Variants in SART1 observed in about 807,000 individuals in gnomAD.
The protein encoded by SART1 is spliceosome associated factor 1, recruiter of U4/U6.U5 tri-snRNP, also known as U4/U6.U5 tri-snRNP-associated protein 1.
In SART1, 28 loss-of-function variants were observed where a neutral mutation model predicts 105.0. That is an observed-to-expected ratio of 0.27 (90% CI 0.20 to 0.37). The LOEUF is 0.37. SART1 is among the 10% of genes least tolerant of loss of function. The probability of loss-of-function intolerance (pLI) is 1.00; values close to 1 mark genes in which losing one functional copy is unlikely to be tolerated. For synonymous variants in SART1, 472 were observed against 462.9 expected (o/e 1.02, Z -0.25); for missense variants, 894 against 1,106.5 (o/e 0.81, Z 2.72).
intron 17 of SART1, 41 bp downstream of exon 17, chr11:65,977,940 A>T: frequency 6.3e-7 from 1 of 1,590,496 alleles, no homozygotes; most frequent in Non-Finnish European, 8.6e-7. Flanking sequence ...GGCCTGCCAC[A>T]GGGAGGCCAA....
chr11:65,967,970 G>A (rs1397586526), intron 12 of SART1, 149 bp downstream of exon 12: 6 of 667,840 alleles, frequency 9.0e-6, no homozygotes, highest in Non-Finnish European at 1.4e-5. Flanking sequence ...TTTTTTTTGA[G>A]ACAGAGTTTC....
chr11:65,964,379 T>G lies in SART1; in HGVS notation c.372-136T>G, dbSNP rs191381809. 4.7e-6 allele frequency: 5 copies of G among 1,060,112 alleles called. No individual in the cohort carries two copies. The African/African-American group carries it at 6.3e-5, about 13-fold the overall frequency. The allele number at this position is 1,060,112 out of a possible 1,614,324, so 65.7% of individuals were successfully genotyped here. On this transcript the variant is annotated intron_variant, in intron 2 of 19. Coordinates refer to ENST00000312397, the MANE Select transcript of SART1 (RefSeq NM_005146.5). ...CTTTGGAGGCCAGGGCCCTTCCCAGTGTCCTAGGCTGCCTGGGGCAGACTT... is the reference window on the plus strand; with the variant it reads ...CTTTGGAGGCCAGGGCCCTTCCCAGGGTCCTAGGCTGCCTGGGGCAGACTT...
Position 65,976,299 on chromosome 11 carries a change from G to C in SART1, c.1573-96G>C. 1 of 1,338,516 alleles carries C rather than the reference G, an allele frequency of 7.5e-7. No individual in the cohort carries two copies. The highest frequency in any genetic ancestry group is 9.9e-7 in the Non-Finnish European group (1 of 1,006,496). The allele number at this position is 1,338,516 out of a possible 1,614,324, so 82.9% of individuals were successfully genotyped here. On this transcript the variant is annotated intron_variant, in intron 12 of 19. Coordinates refer to ENST00000312397, the MANE Select transcript of SART1 (RefSeq NM_005146.5). The surrounding 1 kb of genome is among the most constrained non-coding windows in gnomAD (Gnocchi z 5.1). ...CCTGCATGGGCTGTGGGCGTGGCCT[G>C]TCTGGCTGCTGCCAGGGAGGACCCT... is the stretch of plus-strand genomic sequence containing the variant.
chr11:65,963,776 G>T (rs1008038790), intron 1 of SART1, among the ~76,000 whole-genome samples: 1 of 152,146 alleles, frequency 6.6e-6, no homozygotes, highest in East Asian at 1.9e-4. Context: ...CACCATACCC[G>T]GCCCAGACCT....
intron 2 of SART1, 94 bp downstream of exon 2, chr11:65,964,225 A>C (rs1855203637): frequency 3.6e-6 from 4 of 1,098,478 alleles, no homozygotes; most frequent in South Asian, 1.3e-5. Flanking sequence ...AAAGTGTGCT[A>C]ATCAGAGTTG....
chr11:65,977,086 C>T lies in SART1; in HGVS notation c.1930C>T (p.Leu644=), dbSNP rs758742324. ...VNRGLAAALL[L]CQNKGLLETT... ...TAGGGGGCTGGCAGCTGCCCTGCTC[C>T]TGTGTCAGAACAAAGGTAGGGAGCT... Residue 644 remains leucine, a synonymous_variant, in exon 15 of 20, where the codon CTG becomes TTG. Transcript: ENST00000312397. 1 of 1,613,506 alleles carries T rather than the reference C, an allele frequency of 6.2e-7. No individual in the cohort carries two copies. Among genetic ancestry groups the T allele is most frequent in the South Asian group, 1.1e-5 (1 of 91,076 alleles).
At position 65,964,020 on chromosome 11, in the gene SART1, G is replaced by T; in HGVS notation, c.314-54G>T. ...TGTTCCTGCAGCTGGAGCCAACGATGCTGGCTTCTTGGCCCTGTGTTCAGC... is the reference window on the plus strand; with the variant it reads ...TGTTCCTGCAGCTGGAGCCAACGATTCTGGCTTCTTGGCCCTGTGTTCAGC... On this transcript the variant is annotated intron_variant, in intron 1 of 19. Transcript: ENST00000312397. 4 of 1,559,892 alleles carry T rather than the reference G, an allele frequency of 2.6e-6. No individual in the cohort carries two copies. In the East Asian group the frequency reaches 9.0e-5, roughly 35 times the overall value.
intron 12 of SART1, among the ~76,000 whole-genome samples, chr11:65,975,153 G>C (rs1239401062): frequency 7.2e-6 from 1 of 139,560 alleles, no homozygotes; most frequent in South Asian, 2.2e-4. Context: ...GCCCAGGCTT[G>C]AGTGCAGTGG....
intron 9 of SART1, among the ~76,000 whole-genome samples, 188 bp downstream of exon 9, chr11:65,966,744 A>G (rs1855267772): frequency 6.6e-6 from 1 of 152,208 alleles, no homozygotes; most frequent in South Asian, 2.1e-4. Context: ...GCTGAGCCAG[A>G]TGGGCCCCAG....
Position 65,966,073 on chromosome 11 carries a change from C to G in SART1, c.839-3C>G. The G allele has an allele frequency of 6.2e-7, 1 of 1,613,896 alleles. No individual in the cohort carries two copies. The highest frequency in any genetic ancestry group is 8.5e-7 in the Non-Finnish European group (1 of 1,179,938). On this transcript the variant is annotated splice_region_variant and splice_polypyrimidine_tract_variant and intron_variant, in intron 7 of 19. Coordinates refer to ENST00000312397, the MANE Select transcript of SART1 (RefSeq NM_005146.5). ...AATGGCCACTGCTCTGTGCTGCCCC[C>G]AGGCGTGCTGCAGGAGGAGGAGGAC...
Position 65,967,727 on chromosome 11 carries a change from A to C in SART1, c.1478A>C (p.Asp493Ala). 3.9e-6 allele frequency: 6 copies of C among 1,557,104 alleles called. No individual in the cohort carries two copies. Among genetic ancestry groups the C allele is most frequent in the Non-Finnish European group, 5.2e-6 (6 of 1,150,552 alleles). ...GGGTCCCCGCAGGTGCTGGAGGAGG[A>C]CGAGGCGGAGCTGGAGCTGCAGAAG... Reference protein sequence around the residue: ...PPGSPQVLEEDEAELELQKQL... With the variant: ...PPGSPQVLEEAEAELELQKQL... The change falls in exon 12 of 20, where the codon GAC becomes GCC. Residue 493 changes from aspartate to alanine, a missense_variant. Asp to Ala is a moderately radical substitution (Grantham distance 126, BLOSUM62 -2). Around this residue, in one of 2 missense-constraint regions of SART1, gnomAD observed 712 missense variants for 778.2 expected, o/e 0.91. Transcript: ENST00000312397.
At chr11:65,966,036 C>A in intron 7 of SART1, 40 bp from the exon 8 acceptor site, 1 of 1,613,724 alleles carries the variant, frequency 6.2e-7, no homozygotes, top group Middle Eastern at 1.7e-4. Context: ...TGCTGAGTTG[C>A]GGACAAGTGT....
chr11:65,962,986 G>A (rs532055270), intron 1 of SART1, among the ~76,000 whole-genome samples: 1 of 152,018 alleles, frequency 6.6e-6, no homozygotes, highest in Non-Finnish European at 1.5e-5. Flanking sequence ...GATTTGGAGC[G>A]GGGGTGGGGG....
At position 65,961,772 on chromosome 11, in the gene SART1, C is replaced by A. The variant is rs771104966; in HGVS notation, c.-9C>A. 3.3e-6 allele frequency: 5 copies of A among 1,501,112 alleles called. No individual in the cohort carries two copies. Among genetic ancestry groups the A allele is most frequent in the Non-Finnish European group, 3.5e-6 (4 of 1,132,850 alleles). The allele number at this position is 1,501,112 out of a possible 1,614,324, so 93.0% of individuals were successfully genotyped here. A position where few individuals can be genotyped will look rare whatever the true frequency, so the allele number is the denominator to read the frequency against. ...CGGCGGCAGCCGGGCTCGGAGTGGA[C>A]GTGCCACTATGGGGTCGTCCAAGAA... On this transcript the variant is annotated 5_prime_UTR_variant, in exon 1 of 20. Transcript: ENST00000312397.
chr11:65,975,291 C>T (rs960173227), intron 12 of SART1, among the ~76,000 whole-genome samples: 17 of 151,900 alleles, frequency 1.1e-4, no homozygotes, highest in Middle Eastern at 3.4e-3. Flanking sequence ...TTTGTAGAGA[C>T]TGTGCTTCAC....
At chr11:65,974,029 G>A (rs61893938) in intron 12 of SART1, among the ~76,000 whole-genome samples, 2,965 of 152,056 alleles carry the variant, frequency 0.019, 46 homozygotes, top group Non-Finnish European at 0.031. Flanking sequence ...CCCAGCCCCA[G>A]GGAGAGGGAC....
At chr11:65,963,536 C>T (rs926037038) in intron 1 of SART1, among the ~76,000 whole-genome samples, 1 of 151,754 alleles carries the variant, frequency 6.6e-6, no homozygotes, top group Non-Finnish European at 1.5e-5. Flanking sequence ...GGCTAGAGTG[C>T]AGTGGCACGA....
chr11:65,965,250 A>T (rs1381899996), intron 4 of SART1, 32 bp downstream of exon 4: 2 of 1,607,062 alleles, frequency 1.2e-6, no homozygotes, highest in Non-Finnish European at 1.7e-6. Flanking sequence ...AGGCAAGGGA[A>T]GGGCTGGGGA....
At chr11:65,971,763 C>T (rs1204639472) in intron 12 of SART1, among the ~76,000 whole-genome samples, 2 of 151,972 alleles carry the variant, frequency 1.3e-5, no homozygotes, top group Admixed American at 6.6e-5. Context: ...TGTTGATTTC[C>T]CCCTGAGTCT....
Sources: gnomAD v4.1 joint callset for allele counts (sites outside exome capture counted in the v4.1 genomes callset) on GRCh38, gnomAD v4.1.1 for gene constraint, gnomAD v4.1.1 regional missense constraint, Gnocchi (gnomAD v3.1) non-coding constraint, MANE v1.5 for transcripts, NCBI Gene and HGNC (gene_info 2026-07-23, HGNC 2026-07-21) for gene names.